The following SLC11A2 variants were observed in gnomAD, a reference collection of about 807,000 sequenced individuals.
SLC11A2 encodes natural resistance-associated macrophage protein 2.
In SLC11A2, 38 loss-of-function variants were observed where a neutral mutation model predicts 68.0. That is an observed-to-expected ratio of 0.56 (90% CI 0.43 to 0.73). The LOEUF is 0.73. SLC11A2 is among the 30% of genes least tolerant of loss of function. The probability of loss-of-function intolerance (pLI) is 0.00; values close to 1 mark genes in which losing one functional copy is unlikely to be tolerated. For missense variants in SLC11A2, 517 were observed against 690.5 expected (o/e 0.75, Z 2.82); for synonymous variants, 242 against 250.6 (o/e 0.97, Z 0.32).
chr12:50,992,044 G>A (rs1941201744), intron 13 of SLC11A2, 146 bp downstream of exon 13: 1 of 817,888 alleles, frequency 1.2e-6, no homozygotes, highest in Non-Finnish European at 2.0e-6. Context: ...AGATGCCAAG[G>A]ATTTCATATA....
chr12:50,992,776 G>A, intron 12 of SLC11A2, 34 bp downstream of exon 12: 1 of 1,538,296 alleles, frequency 6.5e-7, no homozygotes, highest in Non-Finnish European at 9.0e-7. Flanking sequence ...CAAAAGGGTT[G>A]TGTTATCTCC....
At chr12:51,013,109 AGGAACTT>A (rs1943361772) in intron 1 of SLC11A2, among the ~76,000 whole-genome samples, 1 of 152,306 alleles carries the variant, frequency 6.6e-6, no homozygotes, top group East Asian at 1.9e-4. Flanking sequence ...CCAGGAAAAG[AGGAACTT>A]GGCACACTGA....
At chr12:50,980,696 T>A (rs1021910403), downstream of SLC11A2, 1 of 152,212 alleles carries the variant, frequency 6.6e-6, no homozygotes, top group African/African-American at 2.4e-5. Context: ...CATTTAGCAT[T>A]CCCTAGGAGA....
the SLC11A2 span, chr12:50,954,165 T>C: frequency 1.3e-5 from 11 of 871,320 alleles, no homozygotes; most frequent in Admixed American, 2.3e-5. Flanking sequence ...CCTTTGCGGA[T>C]TGAAATGTTT....
chr12:50,986,972 C>T lies in SLC11A2; in HGVS notation c.*1353G>A, dbSNP rs1940637556. The T allele has an allele frequency of 7.8e-7, 1 of 1,286,858 alleles. No individual in the cohort carries two copies. Among genetic ancestry groups the T allele is most frequent in the South Asian group, 1.2e-5 (1 of 80,926 alleles). 79.7% of individuals were successfully genotyped at this position (1,286,858 alleles called of 1,614,324 possible). ...AGTCCTTCAACACCATTTTCCATTA[C>T]TGTTCTCACCAAATCAATGACTATA... On this transcript the variant is annotated 3_prime_UTR_variant, in exon 16 of 16. Transcript: ENST00000262052.
chr12:50,963,778 C>G, the SLC11A2 span, among the ~76,000 whole-genome samples: 3 of 152,196 alleles, frequency 2.0e-5, no homozygotes, highest in African/African-American at 7.2e-5. Flanking sequence ...CTCTTTTGCA[C>G]TAACCCTGGT....
intron 1 of SLC11A2, among the ~76,000 whole-genome samples, chr12:51,019,408 C>G (rs1281237005): frequency 6.6e-6 from 1 of 152,156 alleles, no homozygotes; most frequent in African/African-American, 2.4e-5. Context: ...CTTGTTGTAC[C>G]AGGTGCTCTT....
chr12:51,004,732 GAC>G lies in SLC11A2; in HGVS notation c.429+54_429+55del, dbSNP rs1486977973. ...AGAATGAGGCCAGCACATACCGCCA[GAC>G]ACACAGATTCCTATGGCATGGGTGA... On this transcript the variant is annotated intron_variant, in intron 5 of 15. Transcript: ENST00000262052. The G allele has an allele frequency of 3.7e-6, 6 of 1,602,130 alleles. No individual in the cohort carries two copies. The East Asian group carries it at 1.1e-4, about 30-fold the overall frequency.
downstream of SLC11A2, among the ~76,000 whole-genome samples, chr12:50,985,007 TGG>T (rs1940411746): frequency 6.6e-6 from 1 of 152,194 alleles, no homozygotes; most frequent in African/African-American, 2.4e-5. Flanking sequence ...AATGTAAATG[TGG>T]GCAAGTTACT....
the SLC11A2 span, among the ~76,000 whole-genome samples, chr12:50,973,305 C>T: frequency 5.9e-5 from 9 of 152,152 alleles, no homozygotes; most frequent in African/African-American, 1.4e-4. Context: ...TCCAGAGGAA[C>T]GATCAGGCAG....
At chr12:51,008,302 GGTGT>G (rs532914132) in intron 3 of SLC11A2, 170 bp downstream of exon 3, 255 of 519,522 alleles carry the variant, frequency 4.9e-4, no homozygotes, top group East Asian at 6.7e-4. Context: ...ATATAGATGG[GGTGT>G]GTGTGTGTGT....
chr12:50,988,496 C>T (rs1048087510), intron 15 of SLC11A2, 61 bp from the exon 16 acceptor site: 16 of 1,609,122 alleles, frequency 9.9e-6, no homozygotes, highest in Non-Finnish European at 1.2e-5. Flanking sequence ...ACTGCTCACA[C>T]AGCACTTCTC....
chr12:51,008,257 G>T (rs200083618), intron 3 of SLC11A2: 10 of 62,416 alleles, frequency 1.6e-4, no homozygotes, highest in South Asian at 5.8e-4. Flanking sequence ...TAGATAGATA[G>T]ATAGACGGAC....
At chr12:51,004,642 G>T in intron 5 of SLC11A2, 146 bp downstream of exon 5, 1 of 786,440 alleles carries the variant, frequency 1.3e-6, no homozygotes, top group Non-Finnish European at 2.1e-6. Flanking sequence ...AGGAGCTACA[G>T]TATTTCCGTT....
At chr12:50,959,704 G>A in the SLC11A2 span, among the ~76,000 whole-genome samples, 29,490 of 151,962 alleles carry the variant, frequency 0.19, 3,010 homozygotes, top group South Asian at 0.27. Flanking sequence ...CTGGAGTGCA[G>A]TAGCATTATC....
chr12:50,972,170 T>C, the SLC11A2 span, among the ~76,000 whole-genome samples: 1 of 152,218 alleles, frequency 6.6e-6, no homozygotes, highest in East Asian at 1.9e-4. Context: ...CAATGAAAAG[T>C]ATTTCTAACC....
At chr12:50,984,556 G>A (rs1252867624), downstream of SLC11A2, among the ~76,000 whole-genome samples, 2 of 152,154 alleles carry the variant, frequency 1.3e-5, no homozygotes, top group African/African-American at 4.8e-5. Flanking sequence ...CATTGGAGAT[G>A]TTTGTTATAT....
chr12:50,992,656 C>T (rs1592325244), intron 12 of SLC11A2, among the ~76,000 whole-genome samples, 154 bp downstream of exon 12: 1 of 148,086 alleles, frequency 6.8e-6, no homozygotes. Flanking sequence ...CACTTGAACC[C>T]GGGAGGTGGA....
chr12:50,976,259 C>A (rs1939847680), downstream of SLC11A2, among the ~76,000 whole-genome samples: 1 of 152,192 alleles, frequency 6.6e-6, no homozygotes, highest in South Asian at 2.1e-4. Context: ...TACTGGCAAA[C>A]TGAATCCAGC....
Sources: gnomAD v4.1 joint callset for allele counts (sites outside exome capture counted in the v4.1 genomes callset) on GRCh38, gnomAD v4.1.1 for gene constraint, MANE v1.5 for transcripts, NCBI Gene and HGNC (gene_info 2026-07-23, HGNC 2026-07-21) for gene names.